CSMD1: variants seen among roughly 807,000 people sequenced by gnomAD.
The protein encoded by CSMD1 is CUB and Sushi multiple domains 1.
CSMD1 carries 213 observed loss-of-function variants against 417.5 expected under a neutral mutation model. The ratio of observed to expected loss-of-function variants is 0.51; its 90% CI spans 0.46 to 0.57. The LOEUF is 0.57. CSMD1 is among the 20% of genes least tolerant of loss of function. The pLI, the probability that CSMD1 is intolerant of heterozygous loss-of-function variation, is 0.00. For synonymous variants in CSMD1, 2,862 were observed against 1,736.8 expected (o/e 1.65, Z -16.11); for missense variants, 6,923 against 4,529.7 (o/e 1.53, Z -15.17).
chr8:4,385,380 A>G (rs1390326477), intron 3 of CSMD1, among the ~76,000 whole-genome samples: 2 of 152,208 alleles, frequency 1.3e-5, no homozygotes, highest in Non-Finnish European at 2.9e-5. Flanking sequence ...CCCAGCCTTA[A>G]CATTTGTTCT....
chr8:4,032,772 C>A (rs115684358), intron 3 of CSMD1, among the ~76,000 whole-genome samples: 1 of 152,186 alleles, frequency 6.6e-6, no homozygotes, highest in Non-Finnish European at 1.5e-5. Context: ...ACTGAATTCA[C>A]TTTCATTTTG....
chr8:3,181,770 T>C (rs1030912954), intron 36 of CSMD1, among the ~76,000 whole-genome samples: 27 of 152,182 alleles, frequency 1.8e-4, no homozygotes, highest in African/African-American at 6.3e-4. Context: ...TATTTTGACA[T>C]AGTGATTTCT....
intron 54 of CSMD1, among the ~76,000 whole-genome samples, chr8:2,985,418 G>C (rs190597687): frequency 2.8e-4 from 43 of 151,758 alleles, no homozygotes; most frequent in South Asian, 1.0e-3. Flanking sequence ...TGAGGGAGGA[G>C]ACTGGTGTGA....
At chr8:4,682,441 A>T (rs1335787652) in intron 1 of CSMD1, among the ~76,000 whole-genome samples, 1 of 152,156 alleles carries the variant, frequency 6.6e-6, no homozygotes, top group African/African-American at 2.4e-5. Context: ...ATTTGCTATG[A>T]ATTTTTTTTC....
At chr8:3,622,700 G>C (rs1034148592) in intron 7 of CSMD1, among the ~76,000 whole-genome samples, 3 of 152,210 alleles carry the variant, frequency 2.0e-5, no homozygotes, top group African/African-American at 2.4e-5. Flanking sequence ...CTGAAACAGA[G>C]GGAGTTGTTT....
chr8:3,432,344 T>C (rs1456755183), intron 12 of CSMD1, among the ~76,000 whole-genome samples: 1 of 152,144 alleles, frequency 6.6e-6, no homozygotes, highest in Non-Finnish European at 1.5e-5. Flanking sequence ...TGTTTACTCC[T>C]TAGCATTGTC....
chr8:4,325,499 T>C (rs772629524), intron 3 of CSMD1, among the ~76,000 whole-genome samples: 19 of 152,316 alleles, frequency 1.2e-4, no homozygotes, highest in Non-Finnish European at 2.2e-4. Flanking sequence ...GAAGTTTGTC[T>C]GCTCATTTTT....
intron 3 of CSMD1, among the ~76,000 whole-genome samples, chr8:4,379,834 A>G (rs974839915): frequency 1.3e-5 from 2 of 152,222 alleles, no homozygotes; most frequent in Admixed American, 6.5e-5. Flanking sequence ...GTTTGCTGAA[A>G]AAGTGATCCC....
intron 7 of CSMD1, among the ~76,000 whole-genome samples, chr8:3,696,952 G>T (rs1426220355): frequency 6.6e-6 from 1 of 152,088 alleles, no homozygotes; most frequent in East Asian, 1.9e-4. Flanking sequence ...GGGCCACGTG[G>T]ACTATAGAGT....
chr8:2,986,531 C>G (rs1318359742), intron 54 of CSMD1, among the ~76,000 whole-genome samples: 2 of 152,020 alleles, frequency 1.3e-5, no homozygotes, highest in African/African-American at 2.4e-5. Context: ...GAGACAGAGT[C>G]TCACTCTGGC....
At chr8:4,190,768 C>T (rs1798978656) in intron 3 of CSMD1, among the ~76,000 whole-genome samples, 1 of 152,028 alleles carries the variant, frequency 6.6e-6, no homozygotes, top group South Asian at 2.1e-4. Flanking sequence ...TACTATGCGG[C>T]CATTATAAAA....
rs1033967368 is a variant in CSMD1, at chr8:3,169,504, C to T, written c.5726-7227G>A. On this transcript the variant is annotated intron_variant, in intron 37 of 69. Coordinates refer to ENST00000635120, the MANE Select transcript of CSMD1 (RefSeq NM_033225.6). ...AGAAAAAAAAAAGGAAATGTGGTTG[C>T]CTAGGGCTAGGAGTAGCAAACAGAC... Among the ~76,000 whole-genome samples, 5 of 151,944 alleles carry T rather than the reference C, an allele frequency of 3.3e-5. 1 individual carries two copies. Among genetic ancestry groups the T allele is most frequent in the Admixed American group, 3.3e-4 (5 of 15,256 alleles).
intron 2 of CSMD1, among the ~76,000 whole-genome samples, chr8:4,432,076 T>C (rs1024888279): frequency 6.6e-6 from 1 of 152,152 alleles, no homozygotes; most frequent in African/African-American, 2.4e-5. Flanking sequence ...CAGACAGGAT[T>C]AGAATACAGA....
At chr8:4,164,398 G>T (rs185411482) in intron 3 of CSMD1, among the ~76,000 whole-genome samples, 1 of 152,114 alleles carries the variant, frequency 6.6e-6, no homozygotes. Context: ...ACACATTCAG[G>T]TAAGTGATGC....
chr8:3,198,419 G>A (rs1796816100), intron 33 of CSMD1, among the ~76,000 whole-genome samples: 1 of 152,272 alleles, frequency 6.6e-6, no homozygotes, highest in East Asian at 1.9e-4. Context: ...GTAAGAGACG[G>A]GTTGTTTCAA....
intron 2 of CSMD1, among the ~76,000 whole-genome samples, chr8:4,423,213 C>T (rs1384799436): frequency 3.3e-5 from 5 of 151,806 alleles, no homozygotes; most frequent in Admixed American, 1.3e-4. Flanking sequence ...CCTGCAAATA[C>T]AATAATACAA....
At chr8:3,126,081 C>A (rs1817494241) in intron 41 of CSMD1, among the ~76,000 whole-genome samples, 1 of 152,182 alleles carries the variant, frequency 6.6e-6, no homozygotes. Context: ...AGGTGAGGCA[C>A]CCTGGTGTGA....
intron 41 of CSMD1, among the ~76,000 whole-genome samples, chr8:3,131,650 T>C (rs2129026779): frequency 6.6e-6 from 1 of 152,172 alleles, no homozygotes; most frequent in African/African-American, 2.4e-5. Flanking sequence ...TTTTGTATTT[T>C]AAGTAGAGAC....
intron 5 of CSMD1, among the ~76,000 whole-genome samples, chr8:3,992,768 G>A (rs1247555052): frequency 6.6e-6 from 1 of 152,222 alleles, no homozygotes; most frequent in East Asian, 1.9e-4. Flanking sequence ...GTGACAGAAG[G>A]AGACCCAGTA....
Sources: gnomAD v4.1 joint callset for allele counts (sites outside exome capture counted in the v4.1 genomes callset) on GRCh38, gnomAD v4.1.1 for gene constraint, MANE v1.5 for transcripts, NCBI Gene and HGNC (gene_info 2026-07-23, HGNC 2026-07-21) for gene names.